The following DIABLO variants were observed in gnomAD, a reference collection of about 807,000 sequenced individuals.
The protein encoded by DIABLO is diablo homolog, mitochondrial.
Under a neutral mutation model 31.7 loss-of-function variants are expected in DIABLO, and 32 were observed. The observed-to-expected ratio is 1.01, with a 90% CI of 0.76 to 1.35. The LOEUF (loss-of-function observed/expected upper bound fraction) is 1.35. Among genes scored for constraint, DIABLO ranks in the 40% most tolerant of loss-of-function variants. The pLI, the probability that DIABLO is intolerant of heterozygous loss-of-function variation, is 0.00. For missense variants in DIABLO, 316 were observed against 286.4 expected, an observed-to-expected ratio of 1.10 and a Z score of -0.75; for synonymous variants, 132 against 103.2, an observed-to-expected ratio of 1.28 and a Z score of -1.69.
intron 2 of DIABLO, among the ~76,000 whole-genome samples, chr12:122,223,839 C>T (rs1954387078): frequency 6.6e-6 from 1 of 152,228 alleles, no homozygotes; most frequent in Admixed American, 6.5e-5. Context: ...CTTGCCCTGT[C>T]ACCCAGGCTG....
chr12:122,216,123 T>C (rs1468341597), intron 5 of DIABLO, among the ~76,000 whole-genome samples: 1 of 152,214 alleles, frequency 6.6e-6, no homozygotes, highest in Non-Finnish European at 1.5e-5. Context: ...AAGGTTCACA[T>C]AGATTACTCA....
At chr12:122,224,701 G>A (rs1954411074) in intron 1 of DIABLO, 57 bp from the exon 2 acceptor site, 2 of 1,613,780 alleles carry the variant, frequency 1.2e-6, no homozygotes, top group East Asian at 4.5e-5. Context: ...ACAGGCTCTT[G>A]GATTTACTTG....
chr12:122,211,720 C>G (rs1954093151), intron 5 of DIABLO, among the ~76,000 whole-genome samples: 1 of 152,038 alleles, frequency 6.6e-6, no homozygotes, highest in African/African-American at 2.4e-5. Flanking sequence ...GCTTTAATAG[C>G]TTTAATTTTT....
chr12:122,214,897 G>A (rs981557682), intron 5 of DIABLO, among the ~76,000 whole-genome samples: 4 of 152,058 alleles, frequency 2.6e-5, no homozygotes, highest in South Asian at 2.1e-4. Flanking sequence ...CACCACGGTG[G>A]CCAGGGTAGT....
intron 5 of DIABLO, among the ~76,000 whole-genome samples, chr12:122,214,314 G>T (rs1299679946): frequency 6.6e-6 from 1 of 152,060 alleles, no homozygotes; most frequent in African/African-American, 2.4e-5. Flanking sequence ...CCAAGTAGCT[G>T]GGATTGCAGG....
chr12:122,210,127 C>T (rs571121780), intron 5 of DIABLO, among the ~76,000 whole-genome samples: 40 of 152,180 alleles, frequency 2.6e-4, no homozygotes, highest in South Asian at 8.3e-4. Context: ...GTTTGATTTA[C>T]GGCTACATTT....
At position 122,216,453 on chromosome 12, in the gene DIABLO, TTAAA is replaced by T. The variant is rs757597153; in HGVS notation, c.523+31_523+34del. ...AAATGGTACCTTCCTAGTTAAAAAA[TTAAA>T]AAAAAAACCCAACACAAAACTTGAA... On this transcript the variant is annotated intron_variant, in intron 5 of 5. Coordinates refer to ENST00000464942, the MANE Select transcript of DIABLO (RefSeq NM_001371333.1). The T allele has an allele frequency of 3.8e-6, 5 of 1,315,846 alleles. No homozygotes were observed. In the African/African-American group the frequency reaches 6.5e-5, roughly 17 times the overall value. 81.5% of individuals were successfully genotyped at this position (1,315,846 alleles called of 1,614,324 possible).
chr12:122,224,782 G>A, intron 1 of DIABLO, 138 bp from the exon 2 acceptor site: 1 of 1,573,326 alleles, frequency 6.4e-7, no homozygotes, highest in African/African-American at 1.3e-5. Context: ...GAGGGGTTTT[G>A]AAATTTTCAA....
intron 5 of DIABLO, among the ~76,000 whole-genome samples, chr12:122,213,963 C>CAAGCCCAACTACT (rs1566023305): frequency 1.3e-5 from 2 of 151,974 alleles, no homozygotes; most frequent in Admixed American, 1.3e-4. Context: ...CAGGCGCTTC[C>CAAGCCCAACTACT]AAGCCCAACT....
chr12:122,212,755 G>T, intron 5 of DIABLO, among the ~76,000 whole-genome samples: 1 of 151,650 alleles, frequency 6.6e-6, no homozygotes, highest in East Asian at 1.9e-4. Flanking sequence ...CTCCCGAGTA[G>T]CTGGGACTAC....
At chr12:122,212,338 TTC>T (rs1371393676) in intron 5 of DIABLO, among the ~76,000 whole-genome samples, 6 of 152,216 alleles carry the variant, frequency 3.9e-5, no homozygotes, top group Non-Finnish European at 8.8e-5. Context: ...TCTTAGTAGC[TTC>T]TCTCAAAACT....
At chr12:122,209,981 A>G in intron 5 of DIABLO, 2 of 583,874 alleles carry the variant, frequency 3.4e-6, no homozygotes, top group South Asian at 4.4e-5. Flanking sequence ...TTTTGGGCAT[A>G]TGTTAAGTGG....
intron 5 of DIABLO, among the ~76,000 whole-genome samples, chr12:122,214,560 G>A (rs75380461): frequency 0.05 from 7,565 of 152,042 alleles, 635 homozygotes; most frequent in African/African-American, 0.17. Flanking sequence ...CGAGTAGCTG[G>A]GACTACAGGC....
chr12:122,220,335 G>T (rs1220353950), intron 2 of DIABLO, among the ~76,000 whole-genome samples: 1 of 152,074 alleles, frequency 6.6e-6, no homozygotes, highest in Non-Finnish European at 1.5e-5. Context: ...ACTGGCAACT[G>T]TAATGACACA....
chr12:122,224,695 G>C, intron 1 of DIABLO, 51 bp from the exon 2 acceptor site: 1 of 1,613,924 alleles, frequency 6.2e-7, no homozygotes, highest in Non-Finnish European at 8.5e-7. Flanking sequence ...TCTGTAACAG[G>C]CTCTTGGATT....
upstream of DIABLO, chr12:122,227,442 G>A (rs750314567): frequency 2.0e-5 from 9 of 454,148 alleles, no homozygotes; most frequent in South Asian, 1.2e-4. Flanking sequence ...TGTATTCTGC[G>A]ATCTCGGCAG....
intron 2 of DIABLO, chr12:122,218,831 T>G (rs1954272730): frequency 4.6e-6 from 1 of 217,752 alleles, no homozygotes; most frequent in East Asian, 1.2e-4. Context: ...TAATCCCAGC[T>G]ACTCGGGAGG....
intron 2 of DIABLO, among the ~76,000 whole-genome samples, chr12:122,222,851 G>T (rs1954364763): frequency 6.6e-6 from 1 of 152,062 alleles, no homozygotes; most frequent in African/African-American, 2.4e-5. Context: ...AGGCAGTAAT[G>T]CTCACCTGCC....
chr12:122,218,131 T>G, intron 3 of DIABLO, 135 bp downstream of exon 3: 1 of 1,094,016 alleles, frequency 9.1e-7, no homozygotes, highest in Non-Finnish European at 1.4e-6. Context: ...CAAAAACCGT[T>G]ATTGACAACA....
Sources: gnomAD v4.1 joint callset for allele counts (sites outside exome capture counted in the v4.1 genomes callset) on GRCh38, gnomAD v4.1.1 for gene constraint, MANE v1.5 for transcripts, NCBI Gene and HGNC (gene_info 2026-07-23, HGNC 2026-07-21) for gene names.